RANBP2: variants seen among roughly 807,000 people sequenced by gnomAD.
The protein encoded by RANBP2 is E3 SUMO-protein ligase RanBP2.
In RANBP2, 57 loss-of-function variants were observed where a neutral mutation model predicts 303.6. The observed-to-expected ratio is 0.19, with a 90% CI of 0.15 to 0.23. The LOEUF (loss-of-function observed/expected upper bound fraction) is 0.23. Among genes scored for constraint, RANBP2 ranks in the 10% least tolerant of loss-of-function variants. The pLI, the probability that RANBP2 is intolerant of heterozygous loss-of-function variation, is 1.00. For missense variants in RANBP2, 3,138 were observed against 3,780.8 expected, an observed-to-expected ratio of 0.83 and a Z score of 4.46; for synonymous variants, 1,167 against 1,301.5, an observed-to-expected ratio of 0.90 and a Z score of 2.23.
chr2:108,742,422 G>A (rs1331095657), intron 7 of RANBP2, among the ~76,000 whole-genome samples: 1 of 152,126 alleles, frequency 6.6e-6, no homozygotes, highest in Non-Finnish European at 1.5e-5. Context: ...TCCTGCTTCA[G>A]CCTGTCACGT....
chr2:109,106,358 T>C, the RANBP2 span, among the ~76,000 whole-genome samples: 2 of 152,150 alleles, frequency 1.3e-5, no homozygotes, highest in African/African-American at 4.8e-5. Flanking sequence ...GTTTAAGAAA[T>C]GTCCTGTGCC....
At chr2:109,105,425 C>T in the RANBP2 span, among the ~76,000 whole-genome samples, 1 of 152,202 alleles carries the variant, frequency 6.6e-6, no homozygotes, top group Non-Finnish European at 1.5e-5. Context: ...AATGCAAATC[C>T]TGGAATCATG....
the RANBP2 span, among the ~76,000 whole-genome samples, chr2:109,243,968 G>T: frequency 6.6e-6 from 1 of 152,210 alleles, no homozygotes; most frequent in Non-Finnish European, 1.5e-5. Flanking sequence ...TGGTGGTTCT[G>T]TTTGCCCTGC....
chr2:109,027,255 A>C, the RANBP2 span, among the ~76,000 whole-genome samples: 1 of 151,302 alleles, frequency 6.6e-6, no homozygotes, highest in African/African-American at 2.4e-5. Context: ...AAAAAAAAAA[A>C]AAAAAAAAAC....
chr2:109,255,425 G>A, the RANBP2 span, among the ~76,000 whole-genome samples: 1 of 152,202 alleles, frequency 6.6e-6, no homozygotes, highest in African/African-American at 2.4e-5. Flanking sequence ...TGATCAGTAT[G>A]AAGGTCTGTG....
the RANBP2 span, chr2:109,565,748 C>T: frequency 3.7e-6 from 6 of 1,603,840 alleles, no homozygotes; most frequent in South Asian, 4.4e-5. Context: ...TCTAGTCATC[C>T]TTTGTCTCAT....
the RANBP2 span, among the ~76,000 whole-genome samples, chr2:109,369,396 C>G: frequency 6.6e-6 from 1 of 152,188 alleles, no homozygotes; most frequent in Non-Finnish European, 1.5e-5. Flanking sequence ...CAACGCTGAG[C>G]GTTGCTGGAG....
rs1310759504 is a variant in RANBP2 at position 108,782,579 on chromosome 2, T to C, written c.9086T>C (p.Val3029Ala). 2 of 1,614,202 alleles carry C rather than the reference T, an allele frequency of 1.2e-6. No individual in the cohort carries two copies. Among genetic ancestry groups the C allele is most frequent in the Non-Finnish European group, 1.7e-6 (2 of 1,180,026 alleles). Residue 3029 changes from valine (V) to alanine (A), a missense_variant, in exon 28 of 29, where the codon GTA (valine) becomes GCA (alanine). Val to Ala is a moderately conservative substitution (Grantham distance 64). Coordinates refer to ENST00000283195, the MANE Select transcript of RANBP2 (RefSeq NM_006267.5). ...GCAGTGAGATTTAAAACTAAAGAAG[T>C]AGCTGATTGTTTCAAGAAAACATTT... ...QLAVRFKTKEVADCFKKTFEE... is the reference protein window; with the variant it reads ...QLAVRFKTKEAADCFKKTFEE...
the RANBP2 span, among the ~76,000 whole-genome samples, chr2:109,209,847 C>T: frequency 6.6e-6 from 1 of 152,182 alleles, no homozygotes; most frequent in Non-Finnish European, 1.5e-5. Flanking sequence ...ACATATATTA[C>T]ATAAATTTTA....
chr2:109,479,630 C>G, the RANBP2 span, among the ~76,000 whole-genome samples: 2 of 152,278 alleles, frequency 1.3e-5, no homozygotes, highest in African/African-American at 4.8e-5. Flanking sequence ...GGCAAGGGGT[C>G]AGGGCTCTAC....
chr2:109,569,183 C>G, the RANBP2 span, among the ~76,000 whole-genome samples: 1 of 152,058 alleles, frequency 6.6e-6, no homozygotes. Flanking sequence ...AATCCCAGCA[C>G]TTTGAAAGGC....
chr2:109,527,306 T>C, the RANBP2 span, among the ~76,000 whole-genome samples: 14 of 152,222 alleles, frequency 9.2e-5, no homozygotes, highest in Non-Finnish European at 1.6e-4. Context: ...AACCAGTTGC[T>C]TGCCTAGGAA....
the RANBP2 span, among the ~76,000 whole-genome samples, chr2:108,892,290 C>T: frequency 2.0e-5 from 3 of 152,134 alleles, no homozygotes; most frequent in African/African-American, 7.2e-5. Context: ...GCAGGAGGCC[C>T]CATTTCAGCT....
the RANBP2 span, among the ~76,000 whole-genome samples, chr2:109,204,538 A>G: frequency 2.6e-5 from 4 of 152,170 alleles, no homozygotes; most frequent in African/African-American, 9.7e-5. Context: ...ATTTGTGTGC[A>G]ATGTACAATG....
chr2:109,187,010 C>G, the RANBP2 span, among the ~76,000 whole-genome samples: 1 of 152,164 alleles, frequency 6.6e-6, no homozygotes, highest in Non-Finnish European at 1.5e-5. Flanking sequence ...AGAGGCGGAG[C>G]TGGGCCTAGC....
the RANBP2 span, chr2:109,618,321 GC>G: frequency 6.0e-6 from 1 of 166,760 alleles, no homozygotes. Flanking sequence ...AAGAGCAGAT[GC>G]TTCAGAACCA....
At chr2:108,829,519 G>A in the RANBP2 span, among the ~76,000 whole-genome samples, 4 of 152,238 alleles carry the variant, frequency 2.6e-5, no homozygotes, top group African/African-American at 9.6e-5. Context: ...GCCAAGGCAG[G>A]CGGGTCACTT....
At chr2:109,249,505 C>CTTTCTTTCTTTCTTTCTT in the RANBP2 span, among the ~76,000 whole-genome samples, 2 of 43,254 alleles carry the variant, frequency 4.6e-5, 1 homozygote, top group South Asian at 1.5e-3. Flanking sequence ...TTCTTTCTTT[C>CTTTCTTTCTTTCTTTCTT]TTTCATTCTT....
chr2:109,700,767 A>G, the RANBP2 span, among the ~76,000 whole-genome samples: 1 of 152,118 alleles, frequency 6.6e-6, no homozygotes, highest in African/African-American at 2.4e-5. Flanking sequence ...GTGCAAACAC[A>G]AAACTTCTAA....
Sources: allele counts gnomAD v4.1 joint callset (sites outside exome capture counted in the v4.1 genomes callset), GRCh38; gene constraint gnomAD v4.1.1; transcripts MANE v1.5; gene names NCBI Gene and HGNC (gene_info 2026-07-23, HGNC 2026-07-21).